MATN4: variants seen among roughly 807,000 people sequenced by gnomAD.
The protein encoded by MATN4 is matrilin-4.
Under a neutral mutation model 54.6 loss-of-function variants are expected in MATN4, and 40 were observed. The ratio of observed to expected loss-of-function variants is 0.73; its 90% confidence interval spans 0.57 to 0.95. The LOEUF is 0.95. MATN4 is among the 40% of genes least tolerant of loss of function. MATN4 has a pLI of 0.00. For synonymous variants in MATN4, 351 were observed against 345.3 expected (o/e 1.02, Z -0.18); for missense variants, 810 against 819.1 (o/e 0.99, Z 0.13).
At chr20:45,297,845 A>T in intron 8 of MATN4, 73 bp downstream of exon 8, 1 of 1,557,438 alleles carries the variant, frequency 6.4e-7, no homozygotes, top group African/African-American at 1.4e-5. Context: ...GTGGGCAGGG[A>T]GTGAATAGGA....
At chr20:45,300,828 A>G in intron 6 of MATN4, 59 bp downstream of exon 6, 2 of 1,599,110 alleles carry the variant, frequency 1.3e-6, no homozygotes, top group Non-Finnish European at 1.7e-6. Context: ...AGTCAAGGAC[A>G]CTCCAAATGT....
Position 45,306,362 on chromosome 20 carries a change from C to T in MATN4, c.-34-746G>A, listed in dbSNP as rs1193766684. On this transcript the variant is annotated intron_variant, in intron 1 of 9. Transcript: ENST00000372756. ...AAAAGTGGCTGCGGCAGGATACAATCCCACGCCTGCTAGTTTCTGTGAGCC... is the reference window on the plus strand; with the variant it reads ...AAAAGTGGCTGCGGCAGGATACAATTCCACGCCTGCTAGTTTCTGTGAGCC... Among the ~76,000 whole-genome samples the T allele has an allele frequency of 2.6e-5, 4 of 152,296 alleles. No homozygotes were observed. The South Asian group carries it at 6.2e-4, about 24-fold the overall frequency.
At chr20:45,303,015 G>A (rs1009258904) in intron 3 of MATN4, among the ~76,000 whole-genome samples, 11 of 150,604 alleles carry the variant, frequency 7.3e-5, no homozygotes, top group Middle Eastern at 3.4e-3. Context: ...CCCGGGAGGC[G>A]GAGGTTGCAG....
chr20:45,304,484 C>A lies in MATN4; in HGVS notation c.387G>T (p.Glu129Asp). Residue 129 changes from glutamate to aspartate, a missense_variant, in exon 3 of 10, where the codon GAG becomes GAT. By Grantham distance (45) the Glu-to-Asp change is conservative. Transcript: ENST00000372756. Reference sequence around the variant, plus strand: ...CGCGCTCCTCTGGCGGTCGCGCGCCCTCGGCCACACTGAAGGCCACGTTCA... The same window carrying A: ...CGCGCTCCTCTGGCGGTCGCGCGCCATCGGCCACACTGAAGGCCACGTTCA... ...YAMNVAFSVA[E>D]GARPPEERVP... The A allele has an allele frequency of 6.3e-7, 1 of 1,576,290 alleles. No homozygotes were observed. The highest frequency in any genetic ancestry group is 2.3e-5 in the East Asian group (1 of 43,556).
chr20:45,297,842 G>A, intron 8 of MATN4, 76 bp downstream of exon 8: 1 of 1,553,378 alleles, frequency 6.4e-7, no homozygotes, highest in South Asian at 1.1e-5. Context: ...AAAGTGGGCA[G>A]GGAGTGAATA....
At position 45,307,402 on chromosome 20, in the gene MATN4, T is replaced by C. The variant is rs7262800; in HGVS notation, c.-35+773A>G. Among the ~76,000 whole-genome samples the C allele has an allele frequency of 2.5e-3, 382 of 152,246 alleles. 3 individuals carry two copies. Among genetic ancestry groups the C allele is most frequent in the African/African-American group, 8.6e-3 (357 of 41,554 alleles). On this transcript the variant is annotated intron_variant, in intron 1 of 9. Coordinates refer to ENST00000372756, the MANE Select transcript of MATN4 (RefSeq NM_001393530.1). ...GCCTGGTAGAAGAACATAAATCCTC[T>C]GGCAGGGCCCGTCGTGGGAGGGTGA...
intron 5 of MATN4, 41 bp downstream of exon 5, chr20:45,301,061 A>G (rs1242982386): frequency 1.9e-6 from 3 of 1,614,008 alleles, no homozygotes; most frequent in South Asian, 1.1e-5. Flanking sequence ...ACCAGCTAAG[A>G]TCTCTTACCC....
rs759118538 is a variant in MATN4, at chr20:45,304,243, G to C, written c.628C>G (p.Gln210Glu). 1 of 1,527,332 alleles carries C rather than the reference G, an allele frequency of 6.5e-7. No individual in the cohort carries two copies. Among genetic ancestry groups the C allele is most frequent in the East Asian group, 2.5e-5 (1 of 40,724 alleles). 94.6% of individuals were successfully genotyped at this position (1,527,332 alleles called of 1,614,324 possible). A position where few individuals can be genotyped will look rare whatever the true frequency, so the allele number is the denominator to read the frequency against. ...DLIQEFGLQF[Q>E]SRLCAIDLCA... ...CCTAACTCACCACACAGCCGGCTCT[G>C]GAACTGCAGGCCGAACTCCTGGATG... Residue 210 changes from glutamine (Q) to glutamate (E), a missense_variant, in exon 3 of 10, where the codon CAG (glutamine) becomes GAG (glutamate). Coordinates refer to ENST00000372756, the MANE Select transcript of MATN4 (RefSeq NM_001393530.1).
Position 45,301,388 on chromosome 20 carries a change from G to A in MATN4, c.699C>T (p.Ser233=). 3 of 1,614,128 alleles carry A rather than the reference G, an allele frequency of 1.9e-6. No homozygotes were observed. Among genetic ancestry groups the A allele is most frequent in the East Asian group, 2.2e-5 (1 of 44,890 alleles). Residue 233 remains serine (S), a synonymous_variant, in exon 4 of 10, where the codon TCC becomes TCT. Transcript: ENST00000372756. ...GGCAGTGACAGAAATAGGAGCCTGG[G>A]GAATTGACGCAGTGGTGCTCACATC... ...THGCEHHCVN[S]PGSYFCHCQV...
At chr20:45,308,112 C>T in intron 1 of MATN4, 63 bp downstream of exon 1, 1 of 1,525,186 alleles carries the variant, frequency 6.6e-7, no homozygotes, top group Non-Finnish European at 9.1e-7. Flanking sequence ...ATACACTCGC[C>T]TGACCTGGCT....
rs2145633960 is a variant in MATN4 at position 45,293,572 on chromosome 20, C to T, written c.*195G>A. The T allele has an allele frequency of 3.7e-6, 2 of 545,642 alleles. No individual in the cohort carries two copies. Among genetic ancestry groups the T allele is most frequent in the Non-Finnish European group, 6.3e-6 (2 of 315,592 alleles). The allele number at this position is 545,642 out of a possible 1,614,324, so 33.8% of individuals were successfully genotyped here. On this transcript the variant is annotated 3_prime_UTR_variant, in exon 10 of 10. Coordinates refer to ENST00000372756, the MANE Select transcript of MATN4 (RefSeq NM_001393530.1). ...GCCCCTTCCCTCACCACCCGCTATC[C>T]CCCTGACGCCGCAGTCCGCCTAATG...
chr20:45,293,915 C>T lies in MATN4; in HGVS notation c.1680G>A (p.Thr560=). The change falls in exon 9 of 10, where the codon ACG becomes ACA. Residue 560 remains threonine (T), a synonymous_variant. Coordinates refer to ENST00000372756, the MANE Select transcript of MATN4 (RefSeq NM_001393530.1). ...GRTLGALESL[T]LNLAQLTARL... ...ACCAGCCCCAAAGGATATGGTTCAG[C>T]GTCAGGCTCTCGAGCGCCCCCAGCG... is the stretch of plus-strand genomic sequence containing the variant. 6.2e-7 allele frequency: 1 copy of T among 1,603,200 alleles called. No individual in the cohort carries two copies. The highest frequency in any genetic ancestry group is 8.5e-7 in the Non-Finnish European group (1 of 1,178,708).
At position 45,305,569 on chromosome 20, in the gene MATN4, A is replaced by G. The variant is rs1196254054; in HGVS notation, c.14T>C (p.Leu5Pro). MRGL[L>P]CWPVLLLLLQ... ...AAGGAGCAGCAACACGGGCCAGCAA[A>G]GAAGGCCTCTCATGGCGCTTGGGGA... The change falls in exon 2 of 10, where the codon CTT becomes CCT. Residue 5 changes from leucine to proline, a missense_variant. Leu to Pro is a moderately conservative substitution (Grantham distance 98). Transcript: ENST00000372756. The G allele has an allele frequency of 9.6e-6, 15 of 1,560,106 alleles. No homozygotes were observed. Among genetic ancestry groups the G allele is most frequent in the Admixed American group, 1.9e-5 (1 of 51,986 alleles).
intron 3 of MATN4, among the ~76,000 whole-genome samples, chr20:45,303,670 T>G (rs1349415425): frequency 6.6e-6 from 1 of 152,102 alleles, no homozygotes; most frequent in African/African-American, 2.4e-5. Context: ...GTGAGAGGGC[T>G]TAGGGAAAGA....
rs747771876 is a variant in MATN4, at chr20:45,300,989, C to T, written c.910G>A (p.Val304Met). Residue 304 changes from valine (V) to methionine (M), a missense_variant, in exon 6 of 10, where the codon GTG (valine) becomes ATG (methionine). By Grantham distance (21) the Val-to-Met change is conservative. Coordinates refer to ENST00000372756, the MANE Select transcript of MATN4 (RefSeq NM_001393530.1). ...SCQVRDLCNG[V>M]DHGCEFQCVS... ...CACTGGAACTCACAGCCATGGTCCA[C>T]GCCATTGCAAAGGTCCCGGACTGAA... 13 of 1,614,028 alleles carry T rather than the reference C, an allele frequency of 8.1e-6. No homozygotes were observed. In the East Asian group the frequency reaches 8.9e-5, roughly 11 times the overall value.
At position 45,297,776 on chromosome 20, in the gene MATN4, C is replaced by T. The variant is rs1985937715; in HGVS notation, c.1579+142G>A. ...GACCGCCCTGCCGCTGGCCTGCAGACCACATTTGGAGTAGCAAAGCTCTGT... is the reference window on the plus strand; with the variant it reads ...GACCGCCCTGCCGCTGGCCTGCAGATCACATTTGGAGTAGCAAAGCTCTGT... On this transcript the variant is annotated intron_variant, in intron 8 of 9. Transcript: ENST00000372756. 3.8e-6 allele frequency: 4 copies of T among 1,047,966 alleles called. No individual in the cohort carries two copies. In the South Asian group the frequency reaches 5.7e-5, roughly 15 times the overall value. The allele number at this position is 1,047,966 out of a possible 1,614,324, so 64.9% of individuals were successfully genotyped here.
chr20:45,297,847 T>C, intron 8 of MATN4, 71 bp downstream of exon 8: 1 of 1,556,320 alleles, frequency 6.4e-7, no homozygotes, highest in Non-Finnish European at 8.8e-7. Context: ...GGGCAGGGAG[T>C]GAATAGGAAG....
intron 8 of MATN4, among the ~76,000 whole-genome samples, chr20:45,297,030 C>A (rs1487716300): frequency 1.3e-5 from 2 of 151,800 alleles, no homozygotes; most frequent in Non-Finnish European, 2.9e-5. Context: ...CAGGGTTTCA[C>A]CATGTTGCCA....
Position 45,293,570 on chromosome 20 carries a change from T to G in MATN4, c.*197A>C. ...GTGCCCCTTCCCTCACCACCCGCTA[T>G]CCCCCTGACGCCGCAGTCCGCCTAA... is the stretch of plus-strand genomic sequence containing the variant. On this transcript the variant is annotated 3_prime_UTR_variant, in exon 10 of 10. Transcript: ENST00000372756. The G allele has an allele frequency of 5.5e-6, 3 of 543,080 alleles. 1 individual carries two copies. Among genetic ancestry groups the G allele is most frequent in the Non-Finnish European group, 9.6e-6 (3 of 313,694 alleles). 33.6% of individuals were successfully genotyped at this position (543,080 alleles called of 1,614,324 possible). A position where few individuals can be genotyped will look rare whatever the true frequency, so the allele number is the denominator to read the frequency against.
Sources: allele counts gnomAD v4.1 joint callset (sites outside exome capture counted in the v4.1 genomes callset), GRCh38; gene constraint gnomAD v4.1.1; transcripts MANE v1.5; gene names NCBI Gene and HGNC (gene_info 2026-07-23, HGNC 2026-07-21).